TMEM178B: variants seen among roughly 807,000 people sequenced by gnomAD.
The protein encoded by TMEM178B is transmembrane protein 178B.
In TMEM178B, 5 loss-of-function variants were observed where a neutral mutation model predicts 31.0. The observed-to-expected ratio is 0.16, with a 90% CI of 0.08 to 0.34. The LOEUF (loss-of-function observed/expected upper bound fraction) is 0.34. Ranked by LOEUF, TMEM178B falls within the 10% of genes least tolerant of loss-of-function variation. TMEM178B has a pLI of 1.00. For synonymous variants in TMEM178B, 164 were observed against 164.0 expected (o/e 1.00, Z 0.00); for missense variants, 275 against 400.3 (o/e 0.69, Z 2.67).
intron 2 of TMEM178B, among the ~76,000 whole-genome samples, chr7:141,302,479 T>C (rs1798745500): frequency 6.6e-6 from 1 of 152,194 alleles, no homozygotes; most frequent in South Asian, 2.1e-4. Flanking sequence ...GAATGGTAGT[T>C]GCCATTGGCT....
rs767014726 is a variant in TMEM178B, at chr7:141,074,913, G to A, written c.382+221G>A. 2.0e-5 allele frequency among the ~76,000 whole-genome samples: 3 copies of A among 152,222 alleles called. No homozygotes were observed. Among genetic ancestry groups the A allele is most frequent in the Non-Finnish European group, 2.9e-5 (2 of 68,048 alleles). On this transcript the variant is annotated intron_variant, in intron 1 of 3. Transcript: ENST00000565468. The surrounding 1 kb of genome is among the most constrained non-coding windows in gnomAD (Gnocchi z 5.1). ...CTCTCTCCCCTGCCTCTCCTTTCGC[G>A]CGTCTCTGTCGGGATTCGAGTGGAA...
rs2116734361 is a variant in TMEM178B at position 141,473,395 on chromosome 7, G to A, written c.*2609G>A. 1 of 152,170 alleles carries A rather than the reference G, an allele frequency of 6.6e-6. No homozygotes were observed. The highest frequency in any genetic ancestry group is 2.1e-4 in the South Asian group (1 of 4,808). The allele number at this position is 152,170 out of a possible 1,614,324, so 9.4% of individuals were successfully genotyped here. On this transcript the variant is annotated 3_prime_UTR_variant, in exon 4 of 4. Transcript: ENST00000565468. ...GCTTTTTTCCAGTTGCAGGAGAGAG[G>A]GGAAAAATTCTAAATGGGGAAATTT...
At chr7:141,147,634 C>T (rs1795876161) in intron 1 of TMEM178B, among the ~76,000 whole-genome samples, 1 of 152,050 alleles carries the variant, frequency 6.6e-6, no homozygotes. Flanking sequence ...AGATTAATTG[C>T]ACATTGGGGA....
At chr7:141,124,158 G>C (rs1193888452) in intron 1 of TMEM178B, among the ~76,000 whole-genome samples, 1 of 152,176 alleles carries the variant, frequency 6.6e-6, no homozygotes, top group African/African-American at 2.4e-5. Flanking sequence ...CCTGAGGTCA[G>C]GAGTTGAAGA....
At chr7:141,412,378 T>C (rs1801007000) in intron 2 of TMEM178B, among the ~76,000 whole-genome samples, 1 of 152,136 alleles carries the variant, frequency 6.6e-6, no homozygotes, top group Non-Finnish European at 1.5e-5. Flanking sequence ...CTCATCCAGA[T>C]ATAAATTGTT....
At chr7:141,449,598 A>G (rs889848566) in intron 3 of TMEM178B, among the ~76,000 whole-genome samples, 25 of 152,332 alleles carry the variant, frequency 1.6e-4, no homozygotes, top group Admixed American at 5.2e-4. Context: ...CCCCTGAGAT[A>G]GGCTTAGAGC....
At chr7:141,204,966 G>A (rs1796938539) in intron 1 of TMEM178B, among the ~76,000 whole-genome samples, 1 of 152,040 alleles carries the variant, frequency 6.6e-6, no homozygotes, top group Non-Finnish European at 1.5e-5. Flanking sequence ...GACCACAGGT[G>A]TGCAACACCA....
intron 2 of TMEM178B, among the ~76,000 whole-genome samples, chr7:141,247,775 A>G (rs991129640): frequency 1.3e-5 from 2 of 152,242 alleles, no homozygotes; most frequent in African/African-American, 4.8e-5. Flanking sequence ...CAGGTAAACA[A>G]TGACCAAATT....
chr7:141,225,197 G>T (rs993293726), intron 2 of TMEM178B, among the ~76,000 whole-genome samples: 1 of 152,020 alleles, frequency 6.6e-6, no homozygotes, highest in Non-Finnish European at 1.5e-5. Context: ...TTTCCTTACC[G>T]CCAGGGAGCC....
At position 141,298,517 on chromosome 7, in the gene TMEM178B, A is replaced by G. The variant is rs113227955; in HGVS notation, c.496+85813A>G. On this transcript the variant is annotated intron_variant, in intron 2 of 3. Transcript: ENST00000565468. ...CAGTGGAGAGAGATCTGGGGTCACA[A>G]CTTGTGCAGACCAACATTGGGTAGA... Among the ~76,000 whole-genome samples the G allele has an allele frequency of 7.9e-4, 120 of 152,344 alleles. 1 individual carries two copies. Among genetic ancestry groups the G allele is most frequent in the African/African-American group, 2.7e-3 (112 of 41,578 alleles).
Position 141,134,601 on chromosome 7 carries a change from TAAGA to T in TMEM178B, c.382+59917_382+59920del, listed in dbSNP as rs567261686. Among the ~76,000 whole-genome samples, 378 of 152,128 alleles carry T rather than the reference TAAGA, an allele frequency of 2.5e-3. 3 individuals are homozygous for T. The highest frequency in any genetic ancestry group is 8.7e-3 in the African/African-American group (359 of 41,490). ...ACCACCAAACTGCAATGATAAACAT[TAAGA>T]AAGAAAGGAACAAAGAATATACAAA... is the stretch of plus-strand genomic sequence containing the variant. On this transcript the variant is annotated intron_variant, in intron 1 of 3. Transcript: ENST00000565468.
intron 2 of TMEM178B, among the ~76,000 whole-genome samples, chr7:141,267,014 G>T (rs1037076494): frequency 6.6e-6 from 1 of 152,202 alleles, no homozygotes; most frequent in Non-Finnish European, 1.5e-5. Context: ...CCCTTGGCCA[G>T]GGTGACAGTA....
chr7:141,107,156 C>A (rs1795160512), intron 1 of TMEM178B, among the ~76,000 whole-genome samples: 1 of 152,018 alleles, frequency 6.6e-6, no homozygotes, highest in African/African-American at 2.4e-5. Flanking sequence ...TGGAGTATGC[C>A]CAGTGTGTTT....
At chr7:141,481,739 A>G (rs1423216639), downstream of TMEM178B, among the ~76,000 whole-genome samples, 1 of 152,214 alleles carries the variant, frequency 6.6e-6, no homozygotes, top group Non-Finnish European at 1.5e-5. Flanking sequence ...ACTTGAAGAA[A>G]TGGGAGAGCC....
intron 2 of TMEM178B, among the ~76,000 whole-genome samples, chr7:141,276,808 CA>C (rs969714093): frequency 8.5e-5 from 13 of 152,328 alleles, no homozygotes; most frequent in African/African-American, 3.1e-4. Flanking sequence ...GGCTATACAG[CA>C]TAGCCTGTTG....
intron 3 of TMEM178B, among the ~76,000 whole-genome samples, chr7:141,452,506 T>G (rs778038053): frequency 2.0e-5 from 3 of 152,228 alleles, no homozygotes; most frequent in Non-Finnish European, 4.4e-5. Flanking sequence ...CATCTGCCAA[T>G]ATTTCCTTTG....
chr7:141,204,025 C>T (rs1019308850), intron 1 of TMEM178B, among the ~76,000 whole-genome samples: 1 of 152,152 alleles, frequency 6.6e-6, no homozygotes, highest in Non-Finnish European at 1.5e-5. Context: ...GCTGATAGGA[C>T]CCTTCAAAGT....
chr7:141,179,919 C>T (rs1796493174), intron 1 of TMEM178B, among the ~76,000 whole-genome samples: 1 of 152,206 alleles, frequency 6.6e-6, no homozygotes. Flanking sequence ...GCCGGTTTGT[C>T]CAAAGCTCCA....
chr7:141,179,300 G>A (rs899104759), intron 1 of TMEM178B, among the ~76,000 whole-genome samples: 6 of 152,200 alleles, frequency 3.9e-5, no homozygotes, highest in African/African-American at 1.4e-4. Flanking sequence ...GATTTGAAGG[G>A]TTAATAATAA....
Sources: gnomAD v4.1 joint callset for allele counts (sites outside exome capture counted in the v4.1 genomes callset) on GRCh38, gnomAD v4.1.1 for gene constraint, Gnocchi (gnomAD v3.1) non-coding constraint, MANE v1.5 for transcripts, NCBI Gene and HGNC (gene_info 2026-07-23, HGNC 2026-07-21) for gene names.